INTS4: variants seen among roughly 807,000 people sequenced by gnomAD.
INTS4 encodes the protein integrator complex subunit 4, also known as MSTP093.
In INTS4, 70 loss-of-function variants were observed where a neutral mutation model predicts 119.5. The ratio of observed to expected loss-of-function variants is 0.59; its 90% CI spans 0.48 to 0.71. The LOEUF is 0.71. INTS4 is among the 30% of genes least tolerant of loss of function. INTS4 has a pLI of 0.00. For synonymous variants in INTS4, 316 were observed against 419.6 expected, an observed-to-expected ratio of 0.75 and a Z score of 3.02; for missense variants, 867 against 1,173.2, an observed-to-expected ratio of 0.74 and a Z score of 3.81.
chr11:77,961,268 T>C (rs7950529), intron 4 of INTS4, 130 bp from the exon 5 acceptor site: 463,111 of 1,207,054 alleles, frequency 0.38, 91,417 homozygotes, highest in African/African-American at 0.44. Flanking sequence ...TCAAGACCTA[T>C]ATTCTTAGGA....
intron 20 of INTS4, 83 bp from the exon 21 acceptor site, chr11:77,891,545 C>T: frequency 6.3e-7 from 1 of 1,574,832 alleles, no homozygotes; most frequent in Non-Finnish European, 8.7e-7. Flanking sequence ...GTCTCCTTAT[C>T]TAATGAGTGG....
intron 18 of INTS4, among the ~76,000 whole-genome samples, chr11:77,896,821 C>T (rs1375414517): frequency 6.7e-6 from 1 of 149,006 alleles, no homozygotes. Flanking sequence ...AAAAAAAAAT[C>T]CCTGAGCCAA....
intron 15 of INTS4, among the ~76,000 whole-genome samples, chr11:77,915,832 G>C (rs1436132419): frequency 5.9e-5 from 9 of 152,230 alleles, no homozygotes; most frequent in Non-Finnish European, 1.2e-4. Context: ...TTCCAGACAT[G>C]ATTTATTATC....
chr11:77,970,632 C>T (rs1443342008), intron 4 of INTS4, among the ~76,000 whole-genome samples: 2 of 151,398 alleles, frequency 1.3e-5, no homozygotes, highest in African/African-American at 4.9e-5. Flanking sequence ...AGTTCAAGAC[C>T]AGCCTGGGTA....
chr11:77,978,080 T>G (rs1054246502), intron 4 of INTS4: 4 of 151,956 alleles, frequency 2.6e-5, no homozygotes, highest in Admixed American at 2.6e-4. Context: ...TTAGTAGAGA[T>G]GGGGTTTCAC....
chr11:77,945,773 A>G (rs1347139166), intron 8 of INTS4, among the ~76,000 whole-genome samples: 1 of 152,112 alleles, frequency 6.6e-6, no homozygotes, highest in Non-Finnish European at 1.5e-5. Context: ...GCCCTGCCTG[A>G]CAGCTGGTAA....
chr11:77,891,592 G>T lies in INTS4; in HGVS notation c.2448+89C>A, dbSNP rs938247940. ...CCACTCAGAGGAACAGCCTAGCCCA[G>T]CTGCTCCACTGGTCAAAGAAGATCA... On this transcript the variant is annotated intron_variant, in intron 20 of 22. Coordinates refer to ENST00000534064, the MANE Select transcript of INTS4 (RefSeq NM_033547.4). The T allele has an allele frequency of 3.8e-6, 6 of 1,576,922 alleles. No individual in the cohort carries two copies. In the African/African-American group the frequency reaches 8.1e-5, roughly 21 times the overall value.
chr11:77,994,460 A>C, intron 1 of INTS4, 130 bp downstream of exon 1: 1 of 726,288 alleles, frequency 1.4e-6, no homozygotes, highest in South Asian at 1.6e-5. Flanking sequence ...AACTTGCAAT[A>C]TCAGAGATTA....
chr11:77,935,610 T>C (rs1370267196), intron 10 of INTS4, among the ~76,000 whole-genome samples: 3 of 151,990 alleles, frequency 2.0e-5, no homozygotes, highest in Non-Finnish European at 4.4e-5. Context: ...TAGAAGAATT[T>C]TGCAGCCAGG....
At chr11:77,993,861 T>G (rs1320269095) in intron 1 of INTS4, among the ~76,000 whole-genome samples, 5 of 151,998 alleles carry the variant, frequency 3.3e-5, no homozygotes, top group Admixed American at 6.6e-5. Flanking sequence ...TTGAACAACG[T>G]CCCCAGGTAA....
intron 14 of INTS4, among the ~76,000 whole-genome samples, chr11:77,919,375 CT>C (rs1953284072): frequency 6.6e-6 from 1 of 152,116 alleles, no homozygotes; most frequent in Non-Finnish European, 1.5e-5. Context: ...CAACCTCCGC[CT>C]CCCAGGTTCA....
intron 8 of INTS4, among the ~76,000 whole-genome samples, chr11:77,950,752 AG>A: frequency 1.3e-5 from 2 of 152,124 alleles, no homozygotes; most frequent in South Asian, 4.2e-4. Flanking sequence ...TTTAAGTTTT[AG>A]GGTACATGTG....
intron 9 of INTS4, 31 bp downstream of exon 9, chr11:77,941,148 AC>A (rs1487715270): frequency 6.2e-7 from 1 of 1,606,896 alleles, no homozygotes; most frequent in Admixed American, 1.7e-5. Context: ...GGTTACAGAA[AC>A]CCACTTTAAA....
At chr11:77,988,763 T>C (rs1161610457) in intron 2 of INTS4, among the ~76,000 whole-genome samples, 2 of 152,346 alleles carry the variant, frequency 1.3e-5, no homozygotes, top group Middle Eastern at 3.4e-3. Flanking sequence ...TTTCAGTTCA[T>C]AGTAAATACA....
At chr11:77,922,176 C>T (rs914045380) in intron 13 of INTS4, among the ~76,000 whole-genome samples, 180 bp downstream of exon 13, 17 of 149,062 alleles carry the variant, frequency 1.1e-4, no homozygotes, top group East Asian at 3.9e-4. Context: ...TTCAGTGAGC[C>T]GAGATCAGGC....
chr11:77,939,843 TCAAA>T (rs1457116431), intron 9 of INTS4, among the ~76,000 whole-genome samples: 2 of 143,254 alleles, frequency 1.4e-5, no homozygotes, highest in African/African-American at 2.6e-5. Flanking sequence ...AGACCCTGTC[TCAAA>T]CAAAAAAAAA....
intron 4 of INTS4, chr11:77,977,898 T>A (rs1321727900): frequency 1.3e-5 from 2 of 151,646 alleles, no homozygotes; most frequent in African/African-American, 4.8e-5. Context: ...TTTTTTTGTT[T>A]TTTTTTTTAA....
intron 15 of INTS4, among the ~76,000 whole-genome samples, 163 bp downstream of exon 15, chr11:77,918,658 T>C (rs12419855): frequency 0.39 from 58,439 of 151,508 alleles, 11,377 homozygotes; most frequent in African/African-American, 0.43. Flanking sequence ...AAAAATATGT[T>C]CAAACCACAA....
At chr11:77,920,228 C>CACATATATATACACACATATATACACAT in intron 14 of INTS4, among the ~76,000 whole-genome samples, 1 of 15,168 alleles carries the variant, frequency 6.6e-5, no homozygotes, top group South Asian at 9.3e-4. Context: ...TACACATATA[C>CACATATATATACACACATATATACACAT]ATACATATAT....
Sources: allele counts gnomAD v4.1 joint callset (sites outside exome capture counted in the v4.1 genomes callset), GRCh38; gene constraint gnomAD v4.1.1; transcripts MANE v1.5; gene names NCBI Gene and HGNC (gene_info 2026-07-23, HGNC 2026-07-21).